The following SLC18A2 variants were observed in gnomAD, a reference collection of about 807,000 sequenced individuals.
The protein encoded by SLC18A2 is solute carrier family 18 member A2.
In SLC18A2, 33 loss-of-function variants were observed where a neutral mutation model predicts 59.2. The observed-to-expected ratio is 0.56, with a 90% confidence interval of 0.42 to 0.75. The LOEUF (loss-of-function observed/expected upper bound fraction) is 0.75. Ranked by LOEUF, SLC18A2 falls within the 30% of genes least tolerant of loss-of-function variation. The pLI, the probability that SLC18A2 is intolerant of heterozygous loss-of-function variation, is 0.00. For synonymous variants in SLC18A2, 228 were observed against 253.5 expected (o/e 0.90, Z 0.95); for missense variants, 569 against 668.6 (o/e 0.85, Z 1.64).
intron 3 of SLC18A2, among the ~76,000 whole-genome samples, chr10:117,247,915 A>G (rs755586927): frequency 2.0e-5 from 3 of 152,160 alleles, no homozygotes; most frequent in Non-Finnish European, 4.4e-5. Flanking sequence ...CACAGTCGTG[A>G]TGGTGCCATG....
intron 15 of SLC18A2, among the ~76,000 whole-genome samples, chr10:117,271,361 C>T (rs139538449): frequency 5.2e-4 from 79 of 152,332 alleles, no homozygotes; most frequent in Non-Finnish European, 8.1e-4. Context: ...GAACTGAATG[C>T]ATCTTAATGC....
At chr10:117,258,346 T>G (rs1225965232) in intron 10 of SLC18A2, among the ~76,000 whole-genome samples, 2 of 152,226 alleles carry the variant, frequency 1.3e-5, no homozygotes, top group Non-Finnish European at 2.9e-5. Flanking sequence ...CTCATCTTTC[T>G]CCCTCCCCCA....
chr10:117,243,119 A>C (rs535348658), intron 2 of SLC18A2, among the ~76,000 whole-genome samples: 1 of 152,110 alleles, frequency 6.6e-6, no homozygotes, highest in South Asian at 2.1e-4. Flanking sequence ...CCCACTCATA[A>C]TAGAAGGATG....
rs1392638187 is a variant in SLC18A2, at chr10:117,267,710, C to T, written c.1160C>T (p.Pro387Leu). ...FAKNIYGLIA[P>L]NFGVGFAIGM... Reference sequence around the variant, plus strand: ...AAAAACATTTATGGACTCATAGCTCCGAACTTTGGAGTTGGTTTTGCAATT... The same window carrying T: ...AAAAACATTTATGGACTCATAGCTCTGAACTTTGGAGTTGGTTTTGCAATT... Residue 387 changes from proline (P) to leucine (L), a missense_variant, in exon 13 of 16, where the codon CCG becomes CTG. Physicochemically the swap from Pro to Leu is moderately conservative, Grantham distance 98. Transcript: ENST00000644641. The T allele has an allele frequency of 3.2e-6, 5 of 1,566,426 alleles. No homozygotes were observed. The highest frequency in any genetic ancestry group is 2.3e-5 in the East Asian group (1 of 44,072).
chr10:117,258,025 T>A, intron 10 of SLC18A2, 133 bp downstream of exon 10: 1 of 591,828 alleles, frequency 1.7e-6, no homozygotes, highest in Non-Finnish European at 2.9e-6. Context: ...CTTAATGGGG[T>A]CATTGCTTAG....
At chr10:117,267,137 T>C (rs1428605729) in intron 12 of SLC18A2, 102 bp downstream of exon 12, 2 of 878,668 alleles carry the variant, frequency 2.3e-6, no homozygotes, top group Non-Finnish European at 1.8e-6. Flanking sequence ...AGTTTGTTGA[T>C]GTTTTATTAC....
At chr10:117,262,885 C>T (rs532817213) in intron 10 of SLC18A2, among the ~76,000 whole-genome samples, 1 of 152,238 alleles carries the variant, frequency 6.6e-6, no homozygotes, top group Non-Finnish European at 1.5e-5. Flanking sequence ...ATGTGCAGGA[C>T]ACTTAAGATG....
chr10:117,264,226 G>A (rs887355061), intron 10 of SLC18A2, among the ~76,000 whole-genome samples: 4 of 152,232 alleles, frequency 2.6e-5, no homozygotes, highest in East Asian at 1.9e-4. Context: ...GTGTTGCCCC[G>A]CAGAAGGGAG....
intron 5 of SLC18A2, 47 bp from the exon 6 acceptor site, chr10:117,254,358 T>C: frequency 6.7e-7 from 1 of 1,482,092 alleles, no homozygotes; most frequent in East Asian, 2.3e-5. Flanking sequence ...ATTATTCTTT[T>C]GCTGTTCCCC....
chr10:117,254,305 G>A (rs1331372611), intron 5 of SLC18A2, 100 bp from the exon 6 acceptor site: 3 of 1,226,038 alleles, frequency 2.4e-6, no homozygotes, highest in Non-Finnish European at 3.5e-6. Context: ...TGACAGGTTT[G>A]GGAAGATCAC....
At chr10:117,255,997 C>T (rs149364557) in intron 9 of SLC18A2, among the ~76,000 whole-genome samples, 60 of 152,230 alleles carry the variant, frequency 3.9e-4, no homozygotes, top group African/African-American at 1.4e-3. Context: ...CATTGTTTGG[C>T]CTTGAACTTT....
intron 3 of SLC18A2, among the ~76,000 whole-genome samples, chr10:117,249,581 G>A (rs930449889): frequency 6.6e-6 from 1 of 152,142 alleles, no homozygotes; most frequent in African/African-American, 2.4e-5. Flanking sequence ...TGCACCCTTC[G>A]GGGCTCTGTA....
At chr10:117,266,859 CT>C in intron 11 of SLC18A2, 48 bp downstream of exon 11, 2 of 1,574,640 alleles carry the variant, frequency 1.3e-6, no homozygotes, top group Non-Finnish European at 1.7e-6. Flanking sequence ...TAATGTAGTT[CT>C]TTCAAAAAAT....
chr10:117,265,675 G>A (rs990817903), intron 10 of SLC18A2, among the ~76,000 whole-genome samples: 9 of 152,210 alleles, frequency 5.9e-5, no homozygotes, highest in Middle Eastern at 3.4e-3. Context: ...ATAATGGTTA[G>A]GCCTTTCTGT....
chr10:117,257,846 G>A lies in SLC18A2; in HGVS notation c.945G>A (p.Leu315=), dbSNP rs1045431574. The change falls in exon 10 of 16, where the codon CTG becomes CTA. Residue 315 remains leucine, a synonymous_variant. Coordinates refer to ENST00000644641, the MANE Select transcript of SLC18A2 (RefSeq NM_003054.6). The part of the protein sequence containing the change: ...NMGIAMLEPA[L]PIWMMETMCS... ...GCATCGCCATGCTGGAGCCAGCCCT[G>A]CCCATCTGGATGATGGAGACCATGT... is the stretch of plus-strand genomic sequence containing the variant. The A allele has an allele frequency of 1.9e-6, 3 of 1,612,726 alleles. No homozygotes were observed.
chr10:117,243,140 G>A (rs755295355), intron 2 of SLC18A2, among the ~76,000 whole-genome samples: 12 of 152,232 alleles, frequency 7.9e-5, no homozygotes. Flanking sequence ...AAGTGGGCCT[G>A]TTGCAGAATT....
Position 117,256,360 on chromosome 10 carries a change from G to T in SLC18A2, c.895+703G>T, listed in dbSNP as rs2133735081. Among the ~76,000 whole-genome samples the T allele has an allele frequency of 1.3e-5, 2 of 152,298 alleles. 1 individual carries two copies. The highest frequency in any genetic ancestry group is 4.1e-4 in the South Asian group (2 of 4,822). ...CAGGGACCAGCCTTGTGTAGGTGTT[G>T]CTGGGCCTCAGTACCAAGGTAAGCA... On this transcript the variant is annotated intron_variant, in intron 9 of 15. Coordinates refer to ENST00000644641, the MANE Select transcript of SLC18A2 (RefSeq NM_003054.6).
At chr10:117,262,108 TC>T (rs1409521343) in intron 10 of SLC18A2, among the ~76,000 whole-genome samples, 9 of 152,156 alleles carry the variant, frequency 5.9e-5, no homozygotes, top group Admixed American at 4.6e-4. Flanking sequence ...GGTTTCACTA[TC>T]TTGGCCAGGC....
In SLC18A2 at chr10:117,278,119, C is replaced by A. The variant is rs1283792834; in HGVS notation, c.*853C>A. 6.6e-6 allele frequency: 1 copy of A among 152,140 alleles called. No individual in the cohort carries two copies. Among genetic ancestry groups the A allele is most frequent in the African/African-American group, 2.4e-5 (1 of 41,440 alleles). 9.4% of individuals were successfully genotyped at this position (152,140 alleles called of 1,614,324 possible). On this transcript the variant is annotated 3_prime_UTR_variant, in exon 16 of 16. Coordinates refer to ENST00000644641, the MANE Select transcript of SLC18A2 (RefSeq NM_003054.6). ...TGTTTAAACATGATAAGGTTAATCG[C>A]CATCTACTTCAAGTTTTAGAAAAGG... is the stretch of plus-strand genomic sequence containing the variant.
Sources: allele counts gnomAD v4.1 joint callset (sites outside exome capture counted in the v4.1 genomes callset), GRCh38; gene constraint gnomAD v4.1.1; transcripts MANE v1.5; gene names NCBI Gene and HGNC (gene_info 2026-07-23, HGNC 2026-07-21).